The following ROBO2 variants were observed in gnomAD, a reference collection of about 807,000 sequenced individuals.
ROBO2 encodes roundabout guidance receptor 2.
ROBO2 carries 53 observed loss-of-function variants against 160.8 expected under a neutral mutation model. That is an observed-to-expected ratio of 0.33 (90% confidence interval 0.26 to 0.41). The LOEUF is 0.41. Among genes scored for constraint, ROBO2 ranks in the 10% least tolerant of loss-of-function variants. The pLI is 1.00. For synonymous variants in ROBO2, 664 were observed against 611.7 expected (o/e 1.09, Z -1.26); for missense variants, 1,577 against 1,722.4 (o/e 0.92, Z 1.49).
chr3:76,241,007 T>C (rs1178385518), intron 2 of ROBO2, among the ~76,000 whole-genome samples: 1 of 152,216 alleles, frequency 6.6e-6, no homozygotes, highest in Non-Finnish European at 1.5e-5. Context: ...TGGGAGGACA[T>C]TTCCATAGAA....
intron 2 of ROBO2, among the ~76,000 whole-genome samples, chr3:77,293,909 A>G (rs2061654304): frequency 7.0e-6 from 1 of 142,304 alleles, no homozygotes; most frequent in Non-Finnish European, 1.5e-5. Context: ...AGCTGCAGCT[A>G]GATCACCCCA....
In ROBO2 at chr3:76,236,913, A is replaced by C. The variant is rs188188702; in HGVS notation, c.109+299311A>C. 2.4e-4 allele frequency among the ~76,000 whole-genome samples: 37 copies of C among 152,182 alleles called. 2 individuals carry two copies. The highest frequency in any genetic ancestry group is 8.7e-4 in the African/African-American group (36 of 41,562). ...GGAAAATATACCCCTAGTGTATATA[A>C]TGTTGCATTTTTTTCCTTTATATGT... On this transcript the variant is annotated intron_variant, in intron 2 of 26. Transcript: ENST00000487694.
At chr3:76,562,557 T>A (rs2084259208) in intron 2 of ROBO2, among the ~76,000 whole-genome samples, 2 of 152,044 alleles carry the variant, frequency 1.3e-5, no homozygotes, top group Admixed American at 1.3e-4. Flanking sequence ...TCCAGCTCTG[T>A]CCCTTTTCAT....
intron 2 of ROBO2, among the ~76,000 whole-genome samples, chr3:76,640,158 G>C (rs1009294036): frequency 6.6e-6 from 1 of 152,204 alleles, no homozygotes; most frequent in Non-Finnish European, 1.5e-5. Flanking sequence ...AAAGGAGACA[G>C]CTAGGATGAA....
At chr3:76,125,439 T>C (rs72894599) in intron 2 of ROBO2, among the ~76,000 whole-genome samples, 8,399 of 152,226 alleles carry the variant, frequency 0.055, 468 homozygotes, top group East Asian at 0.15. Flanking sequence ...TCCACAGCGA[T>C]TGGACCAATT....
intron 2 of ROBO2, among the ~76,000 whole-genome samples, chr3:77,174,921 G>A (rs1031377864): frequency 6.6e-6 from 1 of 152,006 alleles, no homozygotes; most frequent in Non-Finnish European, 1.5e-5. Context: ...AAAATATCCT[G>A]AAACACTAAT....
intron 1 of ROBO2, among the ~76,000 whole-genome samples, chr3:75,913,681 T>C (rs1946690857): frequency 6.6e-6 from 1 of 152,232 alleles, no homozygotes; most frequent in African/African-American, 2.4e-5. Flanking sequence ...GGCCAACTCC[T>C]GGATTACTTA....
intron 2 of ROBO2, among the ~76,000 whole-genome samples, chr3:77,423,504 C>T (rs748502611): frequency 9.2e-5 from 14 of 152,164 alleles, no homozygotes; most frequent in Admixed American, 3.9e-4. Flanking sequence ...TAACCTCATA[C>T]AATTGTATTA....
chr3:76,256,739 AG>A (rs1020929629), intron 2 of ROBO2, among the ~76,000 whole-genome samples: 1 of 152,022 alleles, frequency 6.6e-6, no homozygotes, highest in African/African-American at 2.4e-5. Flanking sequence ...ATTGCTATAA[AG>A]AAACACCCGA....
intron 2 of ROBO2, among the ~76,000 whole-genome samples, chr3:76,403,259 C>T (rs1367925308): frequency 6.6e-6 from 1 of 151,520 alleles, no homozygotes; most frequent in African/African-American, 2.4e-5. Flanking sequence ...AGGTTTTTTT[C>T]TGTACAGGAA....
intron 5 of ROBO2, among the ~76,000 whole-genome samples, chr3:77,494,273 T>G (rs575579516): frequency 2.0e-5 from 3 of 151,872 alleles, no homozygotes; most frequent in South Asian, 4.2e-4. Context: ...CTAATTTTTC[T>G]TTTTTTTAAA....
At chr3:77,044,102 G>T (rs1191872588) in intron 1 of ROBO2, among the ~76,000 whole-genome samples, 1 of 151,616 alleles carries the variant, frequency 6.6e-6, no homozygotes, top group East Asian at 1.9e-4. Context: ...AATAACCTTT[G>T]ATGCTACGCA....
chr3:76,259,086 CAGTT>C (rs1402862994), intron 2 of ROBO2, among the ~76,000 whole-genome samples: 1 of 152,028 alleles, frequency 6.6e-6, no homozygotes, highest in African/African-American at 2.4e-5. Flanking sequence ...ATTTTAGACA[CAGTT>C]AGGGTGACCT....
At chr3:77,547,681 C>T (rs538072007) in intron 7 of ROBO2, among the ~76,000 whole-genome samples, 1 of 152,144 alleles carries the variant, frequency 6.6e-6, no homozygotes, top group South Asian at 2.1e-4. Flanking sequence ...TTTTATTCCT[C>T]ACTCAGCTCT....
chr3:76,408,055 C>A (rs1309377506), intron 2 of ROBO2, among the ~76,000 whole-genome samples: 1 of 151,976 alleles, frequency 6.6e-6, no homozygotes, highest in Non-Finnish European at 1.5e-5. Context: ...GATTGAACAC[C>A]TCTGATGTTA....
rs571382567 is a variant in ROBO2, at chr3:77,031,041, T to C, written c.110-66973T>C. On this transcript the variant is annotated intron_variant, in intron 2 of 26. Transcript: ENST00000487694. Reference sequence around the variant, plus strand: ...TATGCATGATAGTAGGTACAGCTGGTAACAAATATTTCCAGCTTTCTCCCA... The same window carrying C: ...TATGCATGATAGTAGGTACAGCTGGCAACAAATATTTCCAGCTTTCTCCCA... Among the ~76,000 whole-genome samples, 4 of 152,314 alleles carry C rather than the reference T, an allele frequency of 2.6e-5. No individual in the cohort carries two copies. In the East Asian group the frequency reaches 7.7e-4, roughly 29 times the overall value.
chr3:76,668,895 T>A (rs1233973762), intron 2 of ROBO2, among the ~76,000 whole-genome samples: 1 of 152,152 alleles, frequency 6.6e-6, no homozygotes, highest in African/African-American at 2.4e-5. Flanking sequence ...TGGGGTGGTT[T>A]CATCTTTCTT....
At chr3:76,502,136 C>T (rs1331099837) in intron 2 of ROBO2, among the ~76,000 whole-genome samples, 2 of 151,034 alleles carry the variant, frequency 1.3e-5, no homozygotes, top group Non-Finnish European at 2.9e-5. Flanking sequence ...AGATATAATA[C>T]ATCAGGCTTT....
chr3:77,511,736 A>G (rs1462542462), intron 5 of ROBO2, among the ~76,000 whole-genome samples: 1 of 151,958 alleles, frequency 6.6e-6, no homozygotes, highest in African/African-American at 2.4e-5. Flanking sequence ...TTAAGACAAG[A>G]TAAGGATGCC....
Sources: gnomAD v4.1 joint callset for allele counts (sites outside exome capture counted in the v4.1 genomes callset) on GRCh38, gnomAD v4.1.1 for gene constraint, MANE v1.5 for transcripts, NCBI Gene and HGNC (gene_info 2026-07-23, HGNC 2026-07-21) for gene names.